The following HELZ variants were observed in gnomAD, a reference collection of about 807,000 sequenced individuals.
HELZ encodes helicase with zinc finger, also known as ATP-dependent RNA helicase with zinc finger domain.
A neutral mutation model predicts 218.2 loss-of-function variants in HELZ; 23 were observed. The observed-to-expected ratio is 0.11, with a 90% confidence interval of 0.08 to 0.15. The LOEUF (loss-of-function observed/expected upper bound fraction) is 0.15, where lower values mean the gene tolerates loss of function less well. Ranked by LOEUF, HELZ falls within the 10% of genes least tolerant of loss-of-function variation. The pLI, the probability that HELZ is intolerant of heterozygous loss-of-function variation, is 1.00. For synonymous variants in HELZ, 814 were observed against 829.4 expected (o/e 0.98, Z 0.32); for missense variants, 1,813 against 2,353.7 (o/e 0.77, Z 4.75).
chr17:67,194,890 T>C (rs749183113), intron 8 of HELZ, among the ~76,000 whole-genome samples: 1 of 151,722 alleles, frequency 6.6e-6, no homozygotes, highest in Non-Finnish European at 1.5e-5. Flanking sequence ...GTCAGTTTCA[T>C]CACCTGTCAA....
At chr17:67,141,791 T>A (rs1310036149) in intron 21 of HELZ, among the ~76,000 whole-genome samples, 1 of 152,180 alleles carries the variant, frequency 6.6e-6, no homozygotes, top group Admixed American at 6.5e-5. Context: ...ACACCTATAA[T>A]CCCAACACTT....
intron 27 of HELZ, chr17:67,119,993 CTTTTTTTTTTTTTTT>C (rs56893875): frequency 1.4e-4 from 22 of 161,986 alleles, no homozygotes; most frequent in South Asian, 4.4e-4. Flanking sequence ...TCTCCCTTTT[CTTTTTTTTTTTTTTT>C]TTTTTTTTTT....
rs189758062 is a variant in HELZ at position 67,228,960 on chromosome 17, C to T, written c.-18-10138G>A. Among the ~76,000 whole-genome samples, 44 of 152,080 alleles carry T rather than the reference C, an allele frequency of 2.9e-4. No individual in the cohort carries two copies. The East Asian group carries it at 4.1e-3, about 14-fold the overall frequency. Reference sequence around the variant, plus strand: ...CTCAAACTCCCAACCTCAGGTGATCCGCCCGCCTCGGCCACCCAAAGTGCT... The same window carrying T: ...CTCAAACTCCCAACCTCAGGTGATCTGCCCGCCTCGGCCACCCAAAGTGCT... On this transcript the variant is annotated intron_variant, in intron 3 of 32. Transcript: ENST00000358691.
chr17:67,201,124 C>T lies in HELZ; in HGVS notation c.429+5G>A, dbSNP rs371585186. The T allele has an allele frequency of 6.0e-5, 96 of 1,590,636 alleles. No homozygotes were observed. The highest frequency in any genetic ancestry group is 1.7e-4 in the Middle Eastern group (1 of 6,054). On this transcript the variant is annotated splice_donor_5th_base_variant and intron_variant, in intron 7 of 32. Coordinates refer to ENST00000358691, the MANE Select transcript of HELZ (RefSeq NM_014877.4). The stretch of plus-strand genomic sequence containing the variant: ...TTCCAAACGGATCCACTGAAATGGC[C>T]TTACCTCTGTTTCTGAGAGAAGTGT...
chr17:67,222,500 C>T (rs185917450), intron 3 of HELZ, among the ~76,000 whole-genome samples: 54 of 152,260 alleles, frequency 3.5e-4, no homozygotes, highest in Non-Finnish European at 4.6e-4. Context: ...ACTCAATTTA[C>T]GACCCTTCCT....
intron 12 of HELZ, 126 bp from the exon 13 acceptor site, chr17:67,179,052 AAAAAC>A (rs1157886599): frequency 6.4e-6 from 4 of 622,738 alleles, no homozygotes; most frequent in African/African-American, 1.9e-5. Context: ...TCAAATTCTT[AAAAAC>A]AAAACAATGC....
chr17:67,125,084 CCTAT>C (rs1246105567), intron 24 of HELZ, among the ~76,000 whole-genome samples: 5 of 151,186 alleles, frequency 3.3e-5, no homozygotes, highest in East Asian at 3.9e-4. Context: ...GATTTACCTA[CCTAT>C]CTAACTGTTG....
At chr17:67,177,529 A>G (rs1036992659) in intron 13 of HELZ, among the ~76,000 whole-genome samples, 1 of 151,948 alleles carries the variant, frequency 6.6e-6, no homozygotes. Context: ...TTTAATCCCA[A>G]TATTTACGAT....
chr17:67,095,416 T>C (rs1390103954), intron 31 of HELZ, among the ~76,000 whole-genome samples: 1 of 151,908 alleles, frequency 6.6e-6, no homozygotes, highest in Non-Finnish European at 1.5e-5. Flanking sequence ...GGCATGGTGG[T>C]ATGTGCCTGT....
chr17:67,104,322 C>T (rs1266144081), intron 31 of HELZ, among the ~76,000 whole-genome samples: 1 of 151,874 alleles, frequency 6.6e-6, no homozygotes, highest in Non-Finnish European at 1.5e-5. Flanking sequence ...ACCTGTAGTT[C>T]CAGCTATTCC....
In HELZ at chr17:67,168,571, C is replaced by A. The variant is rs538719026; in HGVS notation, c.1431-775G>T. Among the ~76,000 whole-genome samples the A allele has an allele frequency of 2.0e-5, 3 of 152,298 alleles. No homozygotes were observed. The South Asian group carries it at 6.2e-4, about 32-fold the overall frequency. ...TCCAAGTAGATCTTACCAGCAGATTCTAGCCATAAAATATCTCTTTCAATA... is the reference window on the plus strand; with the variant it reads ...TCCAAGTAGATCTTACCAGCAGATTATAGCCATAAAATATCTCTTTCAATA... On this transcript the variant is annotated intron_variant, in intron 13 of 32. Coordinates refer to ENST00000358691, the MANE Select transcript of HELZ (RefSeq NM_014877.4).
chr17:67,101,727 C>T (rs1475362389), intron 31 of HELZ, among the ~76,000 whole-genome samples: 3 of 152,142 alleles, frequency 2.0e-5, no homozygotes, highest in South Asian at 4.2e-4. Context: ...CCCCACCCCT[C>T]GGAGCAAGTA....
At chr17:67,222,516 G>A (rs973759539) in intron 3 of HELZ, among the ~76,000 whole-genome samples, 2 of 152,186 alleles carry the variant, frequency 1.3e-5, no homozygotes, top group African/African-American at 2.4e-5. Context: ...TTCCTCAGAA[G>A]TGGATATCTA....
chr17:67,124,377 G>A (rs1472998483), intron 24 of HELZ, among the ~76,000 whole-genome samples: 8 of 151,972 alleles, frequency 5.3e-5, no homozygotes, highest in South Asian at 2.1e-4. Flanking sequence ...AACAAATCAC[G>A]AAACACAGAG....
At chr17:67,160,022 A>T (rs1234944502) in intron 17 of HELZ, among the ~76,000 whole-genome samples, 2 of 152,178 alleles carry the variant, frequency 1.3e-5, no homozygotes, top group African/African-American at 4.8e-5. Context: ...ACTCAGGTTG[A>T]AACAATACAC....
chr17:67,116,484 T>TACACACAC (rs144779116), intron 27 of HELZ, among the ~76,000 whole-genome samples: 1 of 147,720 alleles, frequency 6.8e-6, no homozygotes, highest in African/African-American at 2.5e-5. Flanking sequence ...AAGGTAAAAA[T>TACACACAC]ACACACACAC....
At chr17:67,099,305 G>A (rs1417730155) in intron 31 of HELZ, among the ~76,000 whole-genome samples, 2 of 152,046 alleles carry the variant, frequency 1.3e-5, no homozygotes, top group African/African-American at 2.4e-5. Flanking sequence ...CTGATGCTCA[G>A]GTTTAATTTT....
chr17:67,216,998 T>C (rs534979929), intron 4 of HELZ, among the ~76,000 whole-genome samples: 99 of 152,282 alleles, frequency 6.5e-4, no homozygotes, highest in African/African-American at 2.3e-3. Flanking sequence ...TCATTTTCCC[T>C]TGGTGATTCT....
intron 5 of HELZ, 92 bp downstream of exon 5, chr17:67,215,807 A>G: frequency 1.2e-6 from 1 of 865,030 alleles, no homozygotes; most frequent in Non-Finnish European, 1.9e-6. Context: ...GGCTTTTCAA[A>G]CATTATCATC....
Sources: gnomAD v4.1 joint callset for allele counts (sites outside exome capture counted in the v4.1 genomes callset) on GRCh38, gnomAD v4.1.1 for gene constraint, MANE v1.5 for transcripts, NCBI Gene and HGNC (gene_info 2026-07-23, HGNC 2026-07-21) for gene names.